ADAMTS17: variants seen among roughly 807,000 people sequenced by gnomAD.
ADAMTS17 encodes the protein ADAM metallopeptidase with thrombospondin type 1 motif 17.
Under a neutral mutation model 141.5 loss-of-function variants are expected in ADAMTS17, and 113 were observed. The observed-to-expected ratio is 0.80, with a 90% CI of 0.69 to 0.93. ADAMTS17 has a LOEUF of 0.93. Among genes scored for constraint, ADAMTS17 ranks in the 40% least tolerant of loss-of-function variants. The pLI is 0.00. For synonymous variants in ADAMTS17, 768 were observed against 630.6 expected (o/e 1.22, Z -3.27); for missense variants, 1,659 against 1,517.9 (o/e 1.09, Z -1.54).
chr15:100,257,218 C>T (rs1439014681), intron 6 of ADAMTS17: 1 of 152,220 alleles, frequency 6.6e-6, no homozygotes, highest in African/African-American at 2.4e-5. Context: ...GACAGTTTCT[C>T]CAGGGCAGAA....
intron 8 of ADAMTS17, among the ~76,000 whole-genome samples, chr15:100,177,602 A>C (rs1276704511): frequency 6.6e-6 from 1 of 152,216 alleles, no homozygotes; most frequent in Non-Finnish European, 1.5e-5. Context: ...GACAGCTTGA[A>C]AAGAATGTGT....
At chr15:100,116,236 C>G (rs2037122623) in intron 13 of ADAMTS17, among the ~76,000 whole-genome samples, 1 of 149,062 alleles carries the variant, frequency 6.7e-6, no homozygotes, top group Non-Finnish European at 1.5e-5. Context: ...CAAATGTATA[C>G]ATGACACACC....
At chr15:100,015,046 T>C (rs978480859) in intron 18 of ADAMTS17, among the ~76,000 whole-genome samples, 5 of 152,242 alleles carry the variant, frequency 3.3e-5, no homozygotes, top group African/African-American at 7.2e-5. Context: ...GAAGCTCCAG[T>C]GTTAGGTGCA....
intron 19 of ADAMTS17, among the ~76,000 whole-genome samples, chr15:99,995,603 G>C (rs1429912962): frequency 6.6e-6 from 1 of 152,192 alleles, no homozygotes; most frequent in Non-Finnish European, 1.5e-5. Flanking sequence ...AATAAAGTCG[G>C]GAAGAAGCTG....
At chr15:100,193,695 G>T (rs886416646) in intron 8 of ADAMTS17, among the ~76,000 whole-genome samples, 3 of 152,224 alleles carry the variant, frequency 2.0e-5, no homozygotes, top group Non-Finnish European at 2.9e-5. Context: ...GCGCGTCACT[G>T]CCAGGCACCA....
At chr15:100,136,300 C>T (rs1393647369) in intron 10 of ADAMTS17, among the ~76,000 whole-genome samples, 2 of 152,146 alleles carry the variant, frequency 1.3e-5, no homozygotes, top group African/African-American at 4.8e-5. Context: ...ATAGTGGCTA[C>T]CTTTGTCGTC....
chr15:100,020,619 G>A (rs73482713), intron 18 of ADAMTS17, among the ~76,000 whole-genome samples: 5,889 of 152,240 alleles, frequency 0.039, 340 homozygotes, highest in African/African-American at 0.12. Flanking sequence ...TGAGTTCCTG[G>A]TGCCTCTCAA....
At chr15:100,283,283 A>G (rs2044343419) in intron 3 of ADAMTS17, among the ~76,000 whole-genome samples, 2 of 152,200 alleles carry the variant, frequency 1.3e-5, no homozygotes, top group Admixed American at 1.3e-4. Context: ...CATCCATTCT[A>G]ACACAAAATC....
intron 3 of ADAMTS17, among the ~76,000 whole-genome samples, chr15:100,295,393 C>A (rs1470675507): frequency 6.6e-6 from 1 of 152,140 alleles, no homozygotes; most frequent in African/African-American, 2.4e-5. Context: ...GAATGAAAGG[C>A]AGGAGGTGAG....
intron 15 of ADAMTS17, among the ~76,000 whole-genome samples, chr15:100,096,123 T>G (rs1037133683): frequency 5.3e-5 from 8 of 152,190 alleles, no homozygotes; most frequent in African/African-American, 1.4e-4. Flanking sequence ...GACCTCAGGC[T>G]AAGTGGGGAG....
chr15:100,287,409 C>T (rs933427488), intron 3 of ADAMTS17, among the ~76,000 whole-genome samples: 11 of 152,088 alleles, frequency 7.2e-5, no homozygotes, highest in Admixed American at 2.6e-4. Flanking sequence ...ATCGATCAGC[C>T]GTTGGCATCC....
intron 18 of ADAMTS17, among the ~76,000 whole-genome samples, chr15:100,034,167 G>T (rs1258501503): frequency 2.0e-5 from 3 of 152,228 alleles, no homozygotes; most frequent in African/African-American, 7.2e-5. Flanking sequence ...AGGAAAGGTA[G>T]ACTCCAGGAT....
At chr15:100,242,279 C>T (rs116294934) in intron 7 of ADAMTS17, among the ~76,000 whole-genome samples, 269 of 152,278 alleles carry the variant, frequency 1.8e-3, no homozygotes, top group African/African-American at 6.2e-3. Context: ...ACTGGGAAAA[C>T]GAACTCTTGG....
At chr15:100,294,509 A>C (rs1567500708) in intron 3 of ADAMTS17, among the ~76,000 whole-genome samples, 2 of 152,064 alleles carry the variant, frequency 1.3e-5, no homozygotes, top group Non-Finnish European at 2.9e-5. Flanking sequence ...CCAAGGTAGA[A>C]GGATCCCCCA....
chr15:100,204,190 A>G (rs1164176024), intron 7 of ADAMTS17, among the ~76,000 whole-genome samples: 4 of 152,242 alleles, frequency 2.6e-5, no homozygotes, highest in African/African-American at 9.6e-5. Flanking sequence ...CTCTAGACTT[A>G]AGGAATAAAC....
intron 7 of ADAMTS17, among the ~76,000 whole-genome samples, chr15:100,242,672 G>T (rs1167180504): frequency 1.3e-5 from 2 of 152,114 alleles, no homozygotes; most frequent in Admixed American, 1.3e-4. Context: ...TCACCTCCCA[G>T]GGGAGAAGGC....
intron 2 of ADAMTS17, among the ~76,000 whole-genome samples, chr15:100,339,595 C>T (rs1281451025): frequency 2.4e-5 from 3 of 124,494 alleles, no homozygotes; most frequent in African/African-American, 6.3e-5. Context: ...CCACATTCCC[C>T]GCCCCAGGTC....
chr15:100,333,407 C>A (rs1174592053), intron 2 of ADAMTS17, among the ~76,000 whole-genome samples: 1 of 152,194 alleles, frequency 6.6e-6, no homozygotes, highest in East Asian at 1.9e-4. Context: ...TCGAAAACTC[C>A]TGATGCCTCA....
At chr15:100,037,147 C>T (rs111442093) in intron 18 of ADAMTS17, among the ~76,000 whole-genome samples, 7,012 of 152,142 alleles carry the variant, frequency 0.046, 333 homozygotes, top group African/African-American at 0.12. Context: ...TTTTAAAAAG[C>T]GGTTGTGTCA....
Sources: gnomAD v4.1 joint callset for allele counts (sites outside exome capture counted in the v4.1 genomes callset) on GRCh38, gnomAD v4.1.1 for gene constraint, MANE v1.5 for transcripts, NCBI Gene and HGNC (gene_info 2026-07-23, HGNC 2026-07-21) for gene names.